The following ZNF701 variants were observed in gnomAD, a reference collection of about 807,000 sequenced individuals.
ZNF701 encodes zinc finger protein 701.
ZNF701 carries 6 observed loss-of-function variants against 7.1 expected under a neutral mutation model. The observed-to-expected ratio is 0.84, with a 90% CI of 0.46 to 1.66. ZNF701 has a LOEUF of 1.66. ZNF701 is among the 40% of genes most tolerant of loss of function. The probability of loss-of-function intolerance (pLI) is 0.01; values close to 1 mark genes in which losing one functional copy is unlikely to be tolerated. For missense variants in ZNF701, 541 were observed against 559.2 expected, an observed-to-expected ratio of 0.97 and a Z score of 0.33; for synonymous variants, 166 against 188.2, an observed-to-expected ratio of 0.88 and a Z score of 0.97.
chr19:52,576,382 AAC>A (rs1245523292), intron 3 of ZNF701, among the ~76,000 whole-genome samples: 1 of 152,012 alleles, frequency 6.6e-6, no homozygotes, highest in Non-Finnish European at 1.5e-5. Context: ...CTCTACTAAA[AAC>A]ACAAAAATTA....
At chr19:52,575,522 A>T (rs2059928835) in intron 2 of ZNF701, among the ~76,000 whole-genome samples, 1 of 151,456 alleles carries the variant, frequency 6.6e-6, no homozygotes, top group African/African-American at 2.4e-5. Flanking sequence ...TTATTTTGAG[A>T]GAGAGTCTTG....
chr19:52,573,639 C>G (rs1013091260), intron 1 of ZNF701, among the ~76,000 whole-genome samples: 2 of 152,090 alleles, frequency 1.3e-5, no homozygotes, highest in Non-Finnish European at 2.9e-5. Flanking sequence ...TCCTAAGTAG[C>G]TGGGACCAGA....
At chr19:52,596,602 G>A in the ZNF701 span, 7 of 413,812 alleles carry the variant, frequency 1.7e-5, no homozygotes, top group Middle Eastern at 1.1e-3. Flanking sequence ...CTTCATACTG[G>A]AGGGAAATCT....
chr19:52,577,582 G>A (rs1210863577), intron 3 of ZNF701, among the ~76,000 whole-genome samples: 1 of 151,634 alleles, frequency 6.6e-6, no homozygotes, highest in Non-Finnish European at 1.5e-5. Context: ...GGTGCTGAAG[G>A]GACATGGTGA....
chr19:52,598,054 C>T, the ZNF701 span: 41 of 152,418 alleles, frequency 2.7e-4, no homozygotes, highest in African/African-American at 9.6e-4. Flanking sequence ...ATGCCATTCT[C>T]CTGCCTCAGC....
Position 52,584,085 on chromosome 19 carries a change from C to T in ZNF701, c.*628C>T. The T allele has an allele frequency of 4.6e-6, 2 of 430,472 alleles. No homozygotes were observed. The highest frequency in any genetic ancestry group is 3.5e-5 in the South Asian group (2 of 57,256). 26.7% of individuals were successfully genotyped at this position (430,472 alleles called of 1,614,324 possible). The stretch of plus-strand genomic sequence containing the variant: ...AAGCCTTTACTTCACGTTCACACCA[C>T]ATTAGATATCAGAGGATCCATACTG... On this transcript the variant is annotated 3_prime_UTR_variant, in exon 4 of 4. Transcript: ENST00000391785.
chr19:52,595,980 A>G, the ZNF701 span: 9 of 1,606,498 alleles, frequency 5.6e-6, no homozygotes, highest in South Asian at 6.6e-5. Context: ...AAGTCTATCA[A>G]TGATGCTTCC....
intron 2 of ZNF701, 142 bp from the exon 3 acceptor site, chr19:52,575,753 C>T (rs762566295): frequency 3.4e-6 from 2 of 588,934 alleles, no homozygotes; most frequent in South Asian, 3.9e-5. Flanking sequence ...GGGAAGACAT[C>T]ATGTGGTGAA....
At position 52,584,075 on chromosome 19, in the gene ZNF701, G is replaced by A. The variant is rs936401618; in HGVS notation, c.*618G>A. 2.7e-5 allele frequency: 12 copies of A among 444,134 alleles called. No individual in the cohort carries two copies. The highest frequency in any genetic ancestry group is 6.7e-5 in the South Asian group (4 of 60,074). 27.5% of individuals were successfully genotyped at this position (444,134 alleles called of 1,614,324 possible). ...ATTGTGAGCAAAGCCTTTACTTCAC[G>A]TTCACACCACATTAGATATCAGAGG... On this transcript the variant is annotated 3_prime_UTR_variant, in exon 4 of 4. Transcript: ENST00000391785.
chr19:52,571,116 TAAGA>T (rs1221601378), intron 1 of ZNF701, among the ~76,000 whole-genome samples: 2 of 143,950 alleles, frequency 1.4e-5, no homozygotes, highest in African/African-American at 5.2e-5. Context: ...AAAAAAAAGA[TAAGA>T]AAGCAGGAGG....
At position 52,578,253 on chromosome 19, in the gene ZNF701, CAAAAAAAAAA is replaced by C. The variant is rs58385761; in HGVS notation, c.142+2248_142+2257del. Among the ~76,000 whole-genome samples, 11 of 40,930 alleles carry C rather than the reference CAAAAAAAAAA, an allele frequency of 2.7e-4. No individual in the cohort carries two copies. The East Asian group carries it at 4.4e-3, about 16-fold the overall frequency. The allele number at this position is 40,930 out of a possible 152,430, so 26.9% of individuals were successfully genotyped here. A position where few individuals can be genotyped will look rare whatever the true frequency, so the allele number is the denominator to read the frequency against. ...TGGGCGACAGAGTGAGACTCCGTCT[CAAAAAAAAAA>C]AAAAAAAAAAAAAAAGAAGTGTATA... On this transcript the variant is annotated intron_variant, in intron 3 of 3. Coordinates refer to ENST00000391785, the MANE Select transcript of ZNF701 (RefSeq NM_018260.3).
In ZNF701 at chr19:52,585,060, A is replaced by G. The variant is rs187468476; in HGVS notation, c.*1603A>G. 57 of 152,314 alleles carry G rather than the reference A, an allele frequency of 3.7e-4. No individual in the cohort carries two copies. The highest frequency in any genetic ancestry group is 1.3e-3 in the African/African-American group (56 of 41,540). The allele number at this position is 152,314 out of a possible 1,614,324, so 9.4% of individuals were successfully genotyped here. ...AATTCCGGCCCCTCTTTCTCAACTC[A>G]GAGCAAATTGAGACGTCCGGGTGGG... On this transcript the variant is annotated 3_prime_UTR_variant, in exon 4 of 4. Coordinates refer to ENST00000391785, the MANE Select transcript of ZNF701 (RefSeq NM_018260.3).
intron 3 of ZNF701, 42 bp from the exon 4 acceptor site, chr19:52,582,160 T>A: frequency 6.7e-7 from 1 of 1,496,038 alleles, no homozygotes; most frequent in Non-Finnish European, 9.0e-7. Context: ...TTGTATAACT[T>A]CCGTACTTAA....
chr19:52,574,168 A>G lies in ZNF701; in HGVS notation c.15+6A>G, dbSNP rs531292580. The G allele has an allele frequency of 6.2e-7, 1 of 1,609,532 alleles. No individual in the cohort carries two copies. The highest frequency in any genetic ancestry group is 1.3e-5 in the African/African-American group (1 of 74,964). On this transcript the variant is annotated splice_donor_region_variant and intron_variant, in intron 2 of 3. Coordinates refer to ENST00000391785, the MANE Select transcript of ZNF701 (RefSeq NM_018260.3). ...CAGGGATGGCTCTTCTTCAGGTGAG[A>G]TGATATTCTCGGGGGATTGTTCTGT...
rs529040011 is a variant in ZNF701, at chr19:52,582,853, C to G, written c.794C>G (p.Thr265Ser). The G allele has an allele frequency of 1.2e-6, 2 of 1,614,158 alleles. No homozygotes were observed. The highest frequency in any genetic ancestry group is 1.7e-6 in the Non-Finnish European group (2 of 1,179,998). The stretch of plus-strand genomic sequence containing the variant: ...TACCTTGCATGCCATAGATGTCACA[C>G]TGGTGAGAATCCTTACACGTGTAAT... The part of the protein sequence containing the change: ...KRYLACHRCH[T>S]GENPYTCNEC... The change falls in exon 4 of 4, where the codon ACT becomes AGT. Residue 265 changes from threonine to serine, a missense_variant. Physicochemically the swap from Thr to Ser is moderately conservative, Grantham distance 58. Coordinates refer to ENST00000391785, the MANE Select transcript of ZNF701 (RefSeq NM_018260.3).
chr19:52,581,500 G>A (rs1331177507), intron 3 of ZNF701, among the ~76,000 whole-genome samples: 2 of 151,954 alleles, frequency 1.3e-5, no homozygotes, highest in African/African-American at 2.4e-5. Context: ...GATTACAGGC[G>A]TGAACCACCA....
downstream of ZNF701, among the ~76,000 whole-genome samples, chr19:52,589,768 C>G (rs936020278): frequency 6.6e-6 from 1 of 152,262 alleles, no homozygotes; most frequent in East Asian, 1.9e-4. Flanking sequence ...CTTTCTTCCT[C>G]TCACTGTCTT....
chr19:52,595,680 T>C, the ZNF701 span: 1 of 1,370,184 alleles, frequency 7.3e-7, no homozygotes, highest in Non-Finnish European at 1.0e-6. Context: ...GGAGAAGTGA[T>C]TCACACAGGG....
chr19:52,579,238 T>TA, intron 3 of ZNF701, among the ~76,000 whole-genome samples: 1 of 142,414 alleles, frequency 7.0e-6, no homozygotes, highest in East Asian at 2.0e-4. Flanking sequence ...TTAAAGATCT[T>TA]AAAGTTGGCC....
Sources: allele counts gnomAD v4.1 joint callset (sites outside exome capture counted in the v4.1 genomes callset), GRCh38; gene constraint gnomAD v4.1.1; transcripts MANE v1.5; gene names NCBI Gene and HGNC (gene_info 2026-07-23, HGNC 2026-07-21).